SSTR5: variants seen among roughly 807,000 people sequenced by gnomAD.
SSTR5 encodes the protein somatostatin receptor 5.
A neutral mutation model predicts 0.3 loss-of-function variants in SSTR5; 1 was observed. That is an observed-to-expected ratio of 2.98 (90% CI 1.06 to 14.15). The LOEUF (loss-of-function observed/expected upper bound fraction) is 14.15, where lower values mean the gene tolerates loss of function less well. Ranked by LOEUF, SSTR5 falls within the 30% of genes most tolerant of loss-of-function variation. SSTR5 has a pLI of 0.12. For missense variants in SSTR5, 516 were observed against 543.2 expected (o/e 0.95, Z 0.50); for synonymous variants, 256 against 263.1 (o/e 0.97, Z 0.26).
rs747554005 is a variant in SSTR5, at chr16:1,079,122, C to T, written c.254C>T (p.Ala85Val). 6.2e-7 allele frequency: 1 copy of T among 1,612,736 alleles called. No individual in the cohort carries two copies. The highest frequency in any genetic ancestry group is 8.5e-7 in the Non-Finnish European group (1 of 1,179,962). ...TNIYILNLAVADVLYMLGLPF... is the reference protein window; with the variant it reads ...TNIYILNLAVVDVLYMLGLPF... ...ATCTACATTCTCAACCTGGCAGTGG[C>T]CGACGTCCTGTACATGCTGGGGCTG... The change falls in exon 2 of 2, where the codon GCC becomes GTC. Residue 85 changes from alanine (A) to valine (V), a missense_variant. Physicochemically the swap from Ala to Val is moderately conservative, Grantham distance 64 (BLOSUM62 0). Coordinates refer to ENST00000689027, the MANE Select transcript of SSTR5 (RefSeq NM_001172560.3).
At chr16:1,074,308 G>C (rs2151553942) in intron 1 of SSTR5, among the ~76,000 whole-genome samples, 1 of 152,366 alleles carries the variant, frequency 6.6e-6, no homozygotes, top group East Asian at 1.9e-4. Flanking sequence ...AGCCTCTCCA[G>C]GGTGCGGCGT....
Position 1,079,953 on chromosome 16 carries a change from G to A in SSTR5, c.1085G>A (p.Ser362Asn). Reference sequence around the variant, plus strand: ...GCAGCCAACGGGCTTATGCAGACCAGCAAGCTGTGAGAGTGCAGGCGGGGG... The same window carrying A: ...GCAGCCAACGGGCTTATGCAGACCAACAAGCTGTGAGAGTGCAGGCGGGGG... ...RAAANGLMQT[S>N]KL The change falls in exon 2 of 2, where the codon AGC becomes AAC. Residue 362 changes from serine (S) to asparagine (N), a missense_variant. By Grantham distance (46) the Ser-to-Asn change is conservative. Transcript: ENST00000689027. 1 of 1,602,264 alleles carries A rather than the reference G, an allele frequency of 6.2e-7. No individual in the cohort carries two copies. The highest frequency in any genetic ancestry group is 8.5e-7 in the Non-Finnish European group (1 of 1,174,948).
chr16:1,079,456 G>C lies in SSTR5; in HGVS notation c.588G>C (p.Leu196=), dbSNP rs1395422338. The change falls in exon 2 of 2, where the codon CTG becomes CTC. Residue 196 remains leucine, a synonymous_variant. Transcript: ENST00000689027. ...CCAGCTGGCCGGAGCCCGTGGGGCTGTGGGGCGCCGTCTTCATCATCTACA... is the reference window on the plus strand; with the variant it reads ...CCAGCTGGCCGGAGCCCGTGGGGCTCTGGGGCGCCGTCTTCATCATCTACA... The part of the protein sequence containing the change: ...CNASWPEPVG[L]WGAVFIIYTA... 97 of 1,608,076 alleles carry C rather than the reference G, an allele frequency of 6.0e-5. No individual in the cohort carries two copies. The highest frequency in any genetic ancestry group is 8.2e-5 in the Non-Finnish European group (96 of 1,177,754).
Position 1,080,239 on chromosome 16 carries a change from G to A in SSTR5, c.*276G>A. On this transcript the variant is annotated 3_prime_UTR_variant, in exon 2 of 2. Transcript: ENST00000689027. ...CCGCCATGCCGTGCAAGTGCTCAGG[G>A]CCGCCTCACCCTCCATCTGGCCCCA... is the stretch of plus-strand genomic sequence containing the variant. 2.2e-6 allele frequency: 1 copy of A among 463,836 alleles called. No homozygotes were observed. Among genetic ancestry groups the A allele is most frequent in the Non-Finnish European group, 3.9e-6 (1 of 257,100 alleles). 28.7% of individuals were successfully genotyped at this position (463,836 alleles called of 1,614,324 possible).
chr16:1,079,414 G>A lies in SSTR5; in HGVS notation c.546G>A (p.Glu182=), dbSNP rs1307730179. The A allele has an allele frequency of 1.3e-6, 2 of 1,599,492 alleles. No homozygotes were observed. The highest frequency in any genetic ancestry group is 1.1e-5 in the South Asian group (1 of 89,634). ...LPLLVFADVQ[E]GGTCNASWPE... ...TCCTGGTGTTCGCGGACGTGCAGGA[G>A]GGCGGTACCTGCAACGCCAGCTGGC... Residue 182 remains glutamate (E), a synonymous_variant, in exon 2 of 2, where the codon GAG becomes GAA. Coordinates refer to ENST00000689027, the MANE Select transcript of SSTR5 (RefSeq NM_001172560.3).
At chr16:1,078,618 G>T (rs1250646222) in intron 1 of SSTR5, 1 of 581,574 alleles carries the variant, frequency 1.7e-6, no homozygotes, top group Non-Finnish European at 3.1e-6. Context: ...GCAGCCGTCC[G>T]TCTGGGCTCC....
At chr16:1,077,390 C>T (rs1278089357) in intron 1 of SSTR5, among the ~76,000 whole-genome samples, 1 of 152,366 alleles carries the variant, frequency 6.6e-6, no homozygotes, top group East Asian at 1.9e-4. Context: ...TCAACCCAAA[C>T]ATCCGGACTT....
At position 1,078,994 on chromosome 16, in the gene SSTR5, G is replaced by C. The variant is rs1960279890; in HGVS notation, c.126G>C (p.Leu42=). Residue 42 remains leucine (L), a synonymous_variant, in exon 2 of 2, where the codon CTG becomes CTC. Transcript: ENST00000689027. The part of the protein sequence containing the change: ...PAPSAGARAV[L]VPVLYLLVCA... ...CCTCGGCAGGGGCCCGGGCGGTGCT[G>C]GTGCCCGTGCTGTACCTGCTGGTGT... 6.3e-7 allele frequency: 1 copy of C among 1,593,772 alleles called. No individual in the cohort carries two copies. The highest frequency in any genetic ancestry group is 1.8e-5 in the Admixed American group (1 of 57,006).
rs1006127604 is a variant in SSTR5, at chr16:1,079,842, C to A, written c.974C>A (p.Ser325Tyr). The A allele has an allele frequency of 1.9e-6, 3 of 1,611,836 alleles. No individual in the cohort carries two copies. In the South Asian group the frequency reaches 3.3e-5, roughly 18 times the overall value. ...AAGGTTCTGTGCCTCCGCAAGGGCT[C>A]TGGTGCCAAGGACGCTGACGCCACG... is the stretch of plus-strand genomic sequence containing the variant. ...FQKVLCLRKGSGAKDADATEP... is the reference protein window; with the variant it reads ...FQKVLCLRKGYGAKDADATEP... Residue 325 changes from serine (S) to tyrosine (Y), a missense_variant, in exon 2 of 2, where the codon TCT becomes TAT. Physicochemically the swap from Ser to Tyr is moderately radical, Grantham distance 144. Coordinates refer to ENST00000689027, the MANE Select transcript of SSTR5 (RefSeq NM_001172560.3).
Position 1,080,019 on chromosome 16 carries a change from T to C in SSTR5, c.*56T>C. ...TCACCCCCAGGAGCGGAGGTTGCAC[T>C]GCGGTGACCCCCACCCATGACCTGC... On this transcript the variant is annotated 3_prime_UTR_variant, in exon 2 of 2. Transcript: ENST00000689027. 1 of 1,513,032 alleles carries C rather than the reference T, an allele frequency of 6.6e-7. No homozygotes were observed. Among genetic ancestry groups the C allele is most frequent in the Non-Finnish European group, 8.8e-7 (1 of 1,130,532 alleles). 93.7% of individuals were successfully genotyped at this position (1,513,032 alleles called of 1,614,324 possible).
chr16:1,078,875 C>T lies in SSTR5; in HGVS notation c.7C>T (p.Pro3Ser). ...GCACCCCAGGGCTGCCGCCATGGAG[C>T]CCCTGTTCCCAGCCTCCACGCCCAG... ME[P>S]LFPASTPSWN... Residue 3 changes from proline (P) to serine (S), a missense_variant, in exon 2 of 2, where the codon CCC becomes TCC. By Grantham distance (74) the Pro-to-Ser change is moderately conservative. Transcript: ENST00000689027. 1.9e-6 allele frequency: 3 copies of T among 1,605,698 alleles called. No individual in the cohort carries two copies. The highest frequency in any genetic ancestry group is 2.2e-5 in the East Asian group (1 of 44,832).
rs1243796630 is a variant in SSTR5 at position 1,078,790 on chromosome 16, T to G, written c.-27-52T>G. 2.7e-5 allele frequency: 41 copies of G among 1,531,380 alleles called. 1 individual carries two copies. The East Asian group carries it at 9.4e-4, about 35-fold the overall frequency. The allele number at this position is 1,531,380 out of a possible 1,614,324, so 94.9% of individuals were successfully genotyped here. ...GGCCCAGGAGGAAGGAATGCCTGCA[T>G]GTGCTGGTTCAGGGACTCACCACCC... On this transcript the variant is annotated intron_variant, in intron 1 of 1. Coordinates refer to ENST00000689027, the MANE Select transcript of SSTR5 (RefSeq NM_001172560.3).
At position 1,079,755 on chromosome 16, in the gene SSTR5, A is replaced by G; in HGVS notation, c.887A>G (p.Asn296Ser). 1 of 1,612,266 alleles carries G rather than the reference A, an allele frequency of 6.2e-7. No individual in the cohort carries two copies. Among genetic ancestry groups the G allele is most frequent in the Non-Finnish European group, 8.5e-7 (1 of 1,179,902 alleles). ...YFFVVILSYA[N>S]SCANPVLYGF... ...TTCGTGGTCATCCTCTCCTACGCCA[A>G]CAGCTGTGCCAACCCCGTCCTCTAC... Residue 296 changes from asparagine to serine, a missense_variant, in exon 2 of 2, where the codon AAC becomes AGC. By Grantham distance (46) the Asn-to-Ser change is conservative. Coordinates refer to ENST00000689027, the MANE Select transcript of SSTR5 (RefSeq NM_001172560.3).
In SSTR5 at chr16:1,081,024, G is replaced by C. The variant is rs1362741701; in HGVS notation, c.*1061G>C. ...GCAGACAGCACTGCTGAGAGGCAGCGGCCGCGCGGGTGACGCAAATGGCAG... is the reference window on the plus strand; with the variant it reads ...GCAGACAGCACTGCTGAGAGGCAGCCGCCGCGCGGGTGACGCAAATGGCAG... On this transcript the variant is annotated 3_prime_UTR_variant, in exon 2 of 2. Transcript: ENST00000689027. The C allele has an allele frequency of 2.1e-6, 1 of 470,092 alleles. No homozygotes were observed. Among genetic ancestry groups the C allele is most frequent in the Non-Finnish European group, 4.4e-6 (1 of 226,648 alleles). 29.1% of individuals were successfully genotyped at this position (470,092 alleles called of 1,614,324 possible). A position where few individuals can be genotyped will look rare whatever the true frequency, so the allele number is the denominator to read the frequency against.
intron 1 of SSTR5, among the ~76,000 whole-genome samples, chr16:1,075,691 A>G (rs1056958658): frequency 1.3e-5 from 2 of 151,308 alleles, no homozygotes; most frequent in African/African-American, 4.9e-5. Flanking sequence ...CCGCCATCCC[A>G]CCCACCTGGA....
chr16:1,077,241 G>C lies in SSTR5; in HGVS notation c.-27-1601G>C, dbSNP rs537449251. Among the ~76,000 whole-genome samples the C allele has an allele frequency of 5.9e-5, 9 of 152,290 alleles. No homozygotes were observed. The South Asian group carries it at 8.3e-4, about 14-fold the overall frequency. On this transcript the variant is annotated intron_variant, in intron 1 of 1. Coordinates refer to ENST00000689027, the MANE Select transcript of SSTR5 (RefSeq NM_001172560.3). ...GCTGAGCAGCCCCAGGGCTCCAGAC[G>C]GCACATGCTGAGGTCACCACAGCCG...
rs1261848569 is a variant in SSTR5, at chr16:1,080,743, A to T, written c.*780A>T. 6.6e-6 allele frequency among the ~76,000 whole-genome samples: 1 copy of T among 152,158 alleles called. No homozygotes were observed. Among genetic ancestry groups the T allele is most frequent in the East Asian group, 1.9e-4 (1 of 5,182 alleles). On this transcript the variant is annotated 3_prime_UTR_variant, in exon 2 of 2. Coordinates refer to ENST00000689027, the MANE Select transcript of SSTR5 (RefSeq NM_001172560.3). ...GTTGGGGTGAAGGCTGCAGCCCTCC[A>T]GGCTGCTGGGGGTGCAGATGGCTGT...
intron 1 of SSTR5, among the ~76,000 whole-genome samples, chr16:1,074,918 C>G (rs903446945): frequency 6.6e-6 from 1 of 152,128 alleles, no homozygotes; most frequent in African/African-American, 2.4e-5. Flanking sequence ...CAGAGAAGCC[C>G]GTGACTTACC....
At position 1,079,074 on chromosome 16, in the gene SSTR5, C is replaced by T; in HGVS notation, c.206C>T (p.Ala69Val). The part of the protein sequence containing the change: ...TLVIYVVLRF[A>V]KMKTVTNIYI... The stretch of plus-strand genomic sequence containing the variant: ...GTCATCTACGTGGTGCTGCGCTTCG[C>T]CAAGATGAAGACCGTCACCAACATC... The change falls in exon 2 of 2, where the codon GCC becomes GTC. Residue 69 changes from alanine (A) to valine (V), a missense_variant. Ala to Val is a moderately conservative substitution (Grantham distance 64, BLOSUM62 0). Transcript: ENST00000689027. The T allele has an allele frequency of 6.2e-7, 1 of 1,612,580 alleles. No individual in the cohort carries two copies. Among genetic ancestry groups the T allele is most frequent in the South Asian group, 1.1e-5 (1 of 91,076 alleles).
Sources: allele counts gnomAD v4.1 joint callset (sites outside exome capture counted in the v4.1 genomes callset), GRCh38; gene constraint gnomAD v4.1.1; transcripts MANE v1.5; gene names NCBI Gene and HGNC (gene_info 2026-07-23, HGNC 2026-07-21).